The following SLIT3 variants were observed in gnomAD, a reference collection of about 807,000 sequenced individuals.
The protein encoded by SLIT3 is slit homolog 3 protein.
Under a neutral mutation model 184.0 loss-of-function variants are expected in SLIT3, and 68 were observed. The observed-to-expected ratio is 0.37, with a 90% confidence interval of 0.30 to 0.45. The LOEUF is 0.45. Ranked by LOEUF, SLIT3 falls within the 20% of genes least tolerant of loss-of-function variation. SLIT3 has a pLI of 1.00. For synonymous variants in SLIT3, 831 were observed against 828.6 expected (o/e 1.00, Z -0.05); for missense variants, 1,707 against 2,026.0 (o/e 0.84, Z 3.02).
chr5:169,251,599 C>T (rs562720879), intron 1 of SLIT3, 140 bp from the exon 2 acceptor site: 255 of 655,214 alleles, frequency 3.9e-4, no homozygotes, highest in Middle Eastern at 1.5e-3. Context: ...CTTGAGCGTG[C>T]CCGGCTAACC....
intron 3 of SLIT3, among the ~76,000 whole-genome samples, chr5:169,225,354 T>C (rs1764766309): frequency 6.6e-6 from 1 of 152,202 alleles, no homozygotes; most frequent in Non-Finnish European, 1.5e-5. Context: ...GTAAGGACAA[T>C]GGCAGGGGCA....
intron 16 of SLIT3, among the ~76,000 whole-genome samples, chr5:168,756,125 T>C (rs776264863): frequency 6.6e-6 from 1 of 152,144 alleles, no homozygotes; most frequent in Non-Finnish European, 1.5e-5. Flanking sequence ...GCTGGCAGAA[T>C]TGGCGGGCTC....
intron 4 of SLIT3, among the ~76,000 whole-genome samples, chr5:168,948,176 G>A (rs944024038): frequency 3.9e-5 from 6 of 152,214 alleles, no homozygotes; most frequent in Non-Finnish European, 7.4e-5. Context: ...CTTCTCTGCC[G>A]GACCTGACGC....
In SLIT3 at chr5:169,082,163, G is replaced by A. The variant is rs539124142; in HGVS notation, c.413+111316C>T. On this transcript the variant is annotated intron_variant, in intron 4 of 35. Transcript: ENST00000519560. The stretch of plus-strand genomic sequence containing the variant: ...GACTCCACAGGCCGTAGACATGCCA[G>A]CAATACAATCCTCGAGTAGAAGCCA... Among the ~76,000 whole-genome samples, 14 of 152,272 alleles carry A rather than the reference G, an allele frequency of 9.2e-5. 1 individual carries two copies. The South Asian group carries it at 2.7e-3, about 29-fold the overall frequency.
At chr5:169,072,091 G>A (rs1198366643) in intron 4 of SLIT3, among the ~76,000 whole-genome samples, 2 of 152,160 alleles carry the variant, frequency 1.3e-5, no homozygotes, top group Non-Finnish European at 2.9e-5. Flanking sequence ...CAGTTAGGGG[G>A]AGAGGAAGAT....
intron 4 of SLIT3, among the ~76,000 whole-genome samples, chr5:168,986,209 C>T (rs1755122280): frequency 6.6e-6 from 1 of 152,094 alleles, no homozygotes; most frequent in African/African-American, 2.4e-5. Context: ...GTGCTAGATG[C>T]TAAGTAGGCA....
intron 4 of SLIT3, among the ~76,000 whole-genome samples, chr5:169,079,533 AGG>A (rs1255542088): frequency 7.6e-5 from 6 of 79,396 alleles, no homozygotes; most frequent in East Asian, 6.6e-4. Flanking sequence ...AGGAGGAAGG[AGG>A]AGGAGGAAGA....
intron 1 of SLIT3, among the ~76,000 whole-genome samples, chr5:169,258,545 A>G (rs919138377): frequency 6.6e-6 from 1 of 152,186 alleles, no homozygotes; most frequent in Non-Finnish European, 1.5e-5. Context: ...AGCATCTGCC[A>G]TGTTGCCTCT....
intron 4 of SLIT3, among the ~76,000 whole-genome samples, chr5:169,011,486 A>G (rs1052992706): frequency 9.2e-5 from 14 of 152,132 alleles, no homozygotes; most frequent in Admixed American, 8.5e-4. Context: ...CAATGAGGAC[A>G]GTGTGGATTT....
At chr5:168,814,198 C>A (rs1757254826) in intron 8 of SLIT3, among the ~76,000 whole-genome samples, 1 of 152,022 alleles carries the variant, frequency 6.6e-6, no homozygotes, top group East Asian at 1.9e-4. Context: ...GGGTTTGAGA[C>A]CAGCCTGGCC....
chr5:168,880,569 C>G (rs1759915255), intron 5 of SLIT3, among the ~76,000 whole-genome samples: 1 of 152,228 alleles, frequency 6.6e-6, no homozygotes, highest in Non-Finnish European at 1.5e-5. Context: ...TTAGAACTTT[C>G]TAAATACCTT....
intron 4 of SLIT3, among the ~76,000 whole-genome samples, chr5:169,125,575 G>A (rs992553457): frequency 2.1e-4 from 32 of 152,142 alleles, no homozygotes; most frequent in Admixed American, 2.0e-3. Context: ...GGCCTTCACC[G>A]TGAGGGAGGT....
intron 5 of SLIT3, among the ~76,000 whole-genome samples, chr5:168,880,971 T>C (rs879361461): frequency 1.3e-5 from 2 of 152,242 alleles, no homozygotes; most frequent in Non-Finnish European, 2.9e-5. Flanking sequence ...ACATGAATTG[T>C]ACCTCTGGGG....
chr5:169,065,336 GAAGA>G (rs1454979563), intron 4 of SLIT3, among the ~76,000 whole-genome samples: 1 of 152,178 alleles, frequency 6.6e-6, no homozygotes, highest in Non-Finnish European at 1.5e-5. Flanking sequence ...AAGAATGATA[GAAGA>G]AATATTCCCC....
At chr5:169,235,321 AT>A (rs141437680) in intron 3 of SLIT3, among the ~76,000 whole-genome samples, 2,164 of 152,274 alleles carry the variant, frequency 0.014, 22 homozygotes, top group Non-Finnish European at 0.022. Flanking sequence ...ATATGTATGT[AT>A]TTTTGGCATA....
In SLIT3 at chr5:168,762,612, C is replaced by T. The variant is rs1025472398; in HGVS notation, c.1537G>A (p.Gly513Ser). The change falls in exon 15 of 36, where the codon GGC (glycine) becomes AGC (serine). Residue 513 changes from glycine to serine, a missense_variant. Coordinates refer to ENST00000519560, the MANE Select transcript of SLIT3 (RefSeq NM_003062.4). ...TGGTTGGAGCAGTCCACAATCGTGC[C>T]CTCACAGCGACACTTCTCGGGGCAC... ...LVCPEKCRCE[G>S]TIVDCSNQKL... 2.5e-6 allele frequency: 4 copies of T among 1,614,096 alleles called. No homozygotes were observed. Among genetic ancestry groups the T allele is most frequent in the South Asian group, 2.2e-5 (2 of 91,070 alleles).
chr5:168,823,173 T>G, intron 7 of SLIT3, 87 bp downstream of exon 7: 1 of 1,004,584 alleles, frequency 1.0e-6, no homozygotes, highest in Non-Finnish European at 1.6e-6. Context: ...AGTCATAGCA[T>G]GGTAGGTTTG....
At chr5:169,280,740 G>T (rs893583931) in intron 1 of SLIT3, among the ~76,000 whole-genome samples, 1 of 152,278 alleles carries the variant, frequency 6.6e-6, no homozygotes, top group African/African-American at 2.4e-5. Flanking sequence ...TGCTGGGCAG[G>T]GCTTTGCTGG....
chr5:169,133,290 C>T (rs150209505), intron 4 of SLIT3, among the ~76,000 whole-genome samples: 202 of 152,362 alleles, frequency 1.3e-3, no homozygotes, highest in Non-Finnish European at 2.0e-3. Context: ...TTTGTCAATG[C>T]ACTCTGTGAA....
Sources: allele counts gnomAD v4.1 joint callset (sites outside exome capture counted in the v4.1 genomes callset), GRCh38; gene constraint gnomAD v4.1.1; transcripts MANE v1.5; gene names NCBI Gene and HGNC (gene_info 2026-07-23, HGNC 2026-07-21).